Variants in SUN1 observed in about 807,000 individuals in gnomAD.
SUN1 encodes Sad1 and UNC84 domain containing 1.
Under a neutral mutation model 103.2 loss-of-function variants are expected in SUN1, and 61 were observed. The ratio of observed to expected loss-of-function variants is 0.59; its 90% CI spans 0.48 to 0.73. The LOEUF is 0.73. Ranked by LOEUF, SUN1 falls within the 30% of genes least tolerant of loss-of-function variation. The pLI is 0.00. For synonymous variants in SUN1, 490 were observed against 425.7 expected (o/e 1.15, Z -1.86); for missense variants, 1,052 against 1,034.6 (o/e 1.02, Z -0.23).
chr7:832,427 C>A, upstream of SUN1: 1 of 1,250,064 alleles, frequency 8.0e-7, no homozygotes, highest in Non-Finnish European at 1.1e-6. Context: ...GTGTAGGCAG[C>A]TCAGGTTGAC....
rs529677606 is a variant in SUN1, at chr7:842,684, G to A, written c.452-522G>A. ...GGGTCCCAAGGCTGTGCATGGAGAG[G>A]GAAGCATGGTAAGGGGCGCCCAGCC... On this transcript the variant is annotated intron_variant, in intron 3 of 18. Coordinates refer to ENST00000401592, the MANE Select transcript of SUN1 (RefSeq NM_001130965.3). 3.1e-5 allele frequency: 6 copies of A among 191,254 alleles called. No individual in the cohort carries two copies. The Admixed American group carries it at 3.2e-4, about 10-fold the overall frequency. 11.8% of individuals were successfully genotyped at this position (191,254 alleles called of 1,614,324 possible). A position where few individuals can be genotyped will look rare whatever the true frequency, so the allele number is the denominator to read the frequency against.
At chr7:833,459 C>T (rs566759340) in intron 1 of SUN1, among the ~76,000 whole-genome samples, 2 of 151,986 alleles carry the variant, frequency 1.3e-5, no homozygotes, top group East Asian at 1.9e-4. Flanking sequence ...TACAGACGTG[C>T]GCCACCACGC....
chr7:843,975 G>C (rs1812677386), intron 5 of SUN1: 3 of 853,232 alleles, frequency 3.5e-6, no homozygotes, highest in African/African-American at 1.8e-5. Context: ...TGGTGATGGA[G>C]GGGCCTTCAG....
At position 874,447 on chromosome 7, in the gene SUN1, T is replaced by C. The variant is rs1274326718; in HGVS notation, c.*1116T>C. On this transcript the variant is annotated 3_prime_UTR_variant, in exon 19 of 19. Coordinates refer to ENST00000401592, the MANE Select transcript of SUN1 (RefSeq NM_001130965.3). ...GTTACAGATGTTTTACCTTAAGAAT[T>C]ATTTAAGTTGTGTTGGGTTAAGACA... is the stretch of plus-strand genomic sequence containing the variant. 1 of 152,640 alleles carries C rather than the reference T, an allele frequency of 6.6e-6. No individual in the cohort carries two copies. The highest frequency in any genetic ancestry group is 1.5e-5 in the Non-Finnish European group (1 of 68,044). The allele number at this position is 152,640 out of a possible 1,614,324, so 9.5% of individuals were successfully genotyped here.
upstream of SUN1, among the ~76,000 whole-genome samples, chr7:831,549 C>T (rs572177347): frequency 7.2e-5 from 11 of 152,288 alleles, no homozygotes; most frequent in South Asian, 4.1e-4. Context: ...GGATTCCAGG[C>T]GTGAGCCACC....
rs1337025250 is a variant in SUN1 at position 871,472 on chromosome 7, C to T, written c.2149-998C>T. ...GCACGATCTCAGTTCACTGCAATGT[C>T]CGCCTCCCGGGTTCAAGCGATTCTC... On this transcript the variant is annotated intron_variant, in intron 17 of 18. Coordinates refer to ENST00000401592, the MANE Select transcript of SUN1 (RefSeq NM_001130965.3). Among the ~76,000 whole-genome samples the T allele has an allele frequency of 2.0e-5, 3 of 152,270 alleles. 1 individual carries two copies. Among genetic ancestry groups the T allele is most frequent in the African/African-American group, 7.2e-5 (3 of 41,544 alleles).
chr7:858,258 A>G (rs945256483), intron 13 of SUN1, among the ~76,000 whole-genome samples: 8 of 152,018 alleles, frequency 5.3e-5, no homozygotes, highest in East Asian at 1.9e-4. Context: ...TTTCACCACA[A>G]TGGTCAGGCT....
rs760007312 is a variant in SUN1 at position 832,614 on chromosome 7, C to T, written c.77+13C>T. ...CGTATGCGCTCAGGTGAGTGTGCAC[C>T]TGCACGTGGGGTCCTGGCCTTGCAA... On this transcript the variant is annotated intron_variant, in intron 1 of 18. Coordinates refer to ENST00000401592, the MANE Select transcript of SUN1 (RefSeq NM_001130965.3). The T allele has an allele frequency of 2.0e-5, 32 of 1,605,656 alleles. No individual in the cohort carries two copies. The highest frequency in any genetic ancestry group is 3.3e-4 in the Middle Eastern group (2 of 6,078).
At chr7:829,863 C>T (rs1324988834), upstream of SUN1, among the ~76,000 whole-genome samples, 3 of 152,154 alleles carry the variant, frequency 2.0e-5, no homozygotes, top group Non-Finnish European at 4.4e-5. Context: ...CATAACTGTT[C>T]TTTTTTAAAA....
intron 1 of SUN1, among the ~76,000 whole-genome samples, chr7:824,952 G>A (rs1439767256): frequency 6.6e-6 from 1 of 152,226 alleles, no homozygotes; most frequent in Non-Finnish European, 1.5e-5. Flanking sequence ...ACACCTCACA[G>A]CTAAGGCAGT....
rs775310648 is a variant in SUN1 at position 832,560 on chromosome 7, C to T, written c.36C>T (p.Pro12=). The change falls in exon 1 of 19, where the codon CCC becomes CCT. Residue 12 remains proline, a synonymous_variant. Coordinates refer to ENST00000401592, the MANE Select transcript of SUN1 (RefSeq NM_001130965.3). ...CTCGGCTTCACATGTACAGTCCTCC[C>T]CAGTGTGTGCCGGAGAACACGGGCT... ...DFSRLHMYSP[P]QCVPENTGYT... is the part of the protein sequence containing the mutation. 2 of 1,613,238 alleles carry T rather than the reference C, an allele frequency of 1.2e-6. No individual in the cohort carries two copies. Among genetic ancestry groups the T allele is most frequent in the South Asian group, 2.2e-5 (2 of 90,872 alleles).
intron 1 of SUN1, among the ~76,000 whole-genome samples, chr7:825,450 A>G (rs1790819207): frequency 1.3e-5 from 2 of 152,216 alleles, no homozygotes; most frequent in African/African-American, 2.4e-5. Flanking sequence ...TGACAAGTAG[A>G]AGTTCCATCC....
chr7:853,267 C>T, intron 9 of SUN1, 142 bp from the exon 10 acceptor site: 2 of 954,206 alleles, frequency 2.1e-6, no homozygotes, highest in South Asian at 3.2e-5. Context: ...ACCTGATACT[C>T]CGGGTTTCTG....
At chr7:832,028 C>T, upstream of SUN1, 1 of 987,384 alleles carries the variant, frequency 1.0e-6, no homozygotes, top group South Asian at 4.7e-5. Context: ...AGTTTCTTTT[C>T]TGATTCTGAG....
rs1832131058 is a variant in SUN1, at chr7:861,382, A to C, written c.1782A>C (p.Gln594His). 1 of 1,614,150 alleles carries C rather than the reference A, an allele frequency of 6.2e-7. No homozygotes were observed. The highest frequency in any genetic ancestry group is 2.2e-5 in the East Asian group (1 of 44,890). Residue 594 changes from glutamine to histidine, a missense_variant and splice_region_variant, in exon 15 of 19, where the codon CAA (glutamine) becomes CAC (histidine). By Grantham distance (24) the Gln-to-His change is conservative (BLOSUM62 0). Around this residue, in one of 2 missense-constraint regions of SUN1, gnomAD observed 206 missense variants for 260.1 expected, o/e 0.79. Transcript: ENST00000401592. ...EAGASGITEA[Q>H]ARAIVNSALK... ...TTCCGTCCCTCGTGTCTGTCCAGCA[A>C]GCACGTGCCATCGTGAACAGCGCCT...
intron 2 of SUN1, 82 bp from the exon 3 acceptor site, chr7:841,864 T>G (rs544070806): frequency 6.9e-7 from 1 of 1,439,144 alleles, no homozygotes; most frequent in Admixed American, 2.0e-5. Flanking sequence ...ATTCCCAGAT[T>G]AAGAGTTTGT....
In SUN1 at chr7:842,960, T is replaced by G. The variant is rs1584576137; in HGVS notation, c.452-246T>G. The G allele has an allele frequency of 8.1e-6, 5 of 615,510 alleles. No homozygotes were observed. The East Asian group carries it at 1.4e-4, about 18-fold the overall frequency. The allele number at this position is 615,510 out of a possible 1,614,324, so 38.1% of individuals were successfully genotyped here. On this transcript the variant is annotated intron_variant, in intron 3 of 18. Transcript: ENST00000401592. ...CTCCTTCCCTCATGTTCTGCTTTCC[T>G]CCTTAGGCCAGGTGCTGTGTGTGCT... is the stretch of plus-strand genomic sequence containing the variant.
intron 18 of SUN1, 131 bp from the exon 19 acceptor site, chr7:873,084 C>G (rs1585429225): frequency 2.3e-6 from 2 of 860,572 alleles, no homozygotes; most frequent in Non-Finnish European, 3.8e-6. Context: ...AAGACTCTGT[C>G]TCAACAACAA....
At chr7:827,701 T>A (rs1046687642), upstream of SUN1, among the ~76,000 whole-genome samples, 1 of 151,462 alleles carries the variant, frequency 6.6e-6, no homozygotes, top group Non-Finnish European at 1.5e-5. Flanking sequence ...CTCCTGACCT[T>A]GTGATCCTCC....
Sources: gnomAD v4.1 joint callset for allele counts (sites outside exome capture counted in the v4.1 genomes callset) on GRCh38, gnomAD v4.1.1 for gene constraint, gnomAD v4.1.1 regional missense constraint, MANE v1.5 for transcripts, NCBI Gene and HGNC (gene_info 2026-07-23, HGNC 2026-07-21) for gene names.